PKP4: variants seen among roughly 807,000 people sequenced by gnomAD.
PKP4 encodes the protein plakophilin 4, also known as plakophilin-4.
Under a neutral mutation model 145.1 loss-of-function variants are expected in PKP4, and 90 were observed. That is an observed-to-expected ratio of 0.62 (90% CI 0.52 to 0.74). The LOEUF (loss-of-function observed/expected upper bound fraction) is 0.74, where lower values mean the gene tolerates loss of function less well. Ranked by LOEUF, PKP4 falls within the 30% of genes least tolerant of loss-of-function variation. The probability of loss-of-function intolerance (pLI) is 0.00; values close to 1 mark genes in which losing one functional copy is unlikely to be tolerated. For synonymous variants in PKP4, 563 were observed against 577.2 expected (o/e 0.98, Z 0.35); for missense variants, 1,340 against 1,482.7 (o/e 0.90, Z 1.58).
chr2:158,476,470 A>G (rs1312325247), intron 1 of PKP4, among the ~76,000 whole-genome samples: 1 of 152,100 alleles, frequency 6.6e-6, no homozygotes, highest in African/African-American at 2.4e-5. Flanking sequence ...AGCTGGGACT[A>G]CAGGCATACA....
chr2:158,467,546 T>A (rs1690819213), intron 1 of PKP4, among the ~76,000 whole-genome samples: 1 of 50,254 alleles, frequency 2.0e-5, no homozygotes, highest in Non-Finnish European at 4.1e-5. Context: ...AGTGAGACCT[T>A]GTCAAAAAAA....
chr2:158,633,106 A>G (rs2053522716), intron 8 of PKP4, among the ~76,000 whole-genome samples: 1 of 152,218 alleles, frequency 6.6e-6, no homozygotes, highest in Non-Finnish European at 1.5e-5. Flanking sequence ...TTCCAGTGTT[A>G]TTACAATCCA....
At chr2:158,515,385 T>C (rs1186615262) in intron 1 of PKP4, among the ~76,000 whole-genome samples, 1 of 152,108 alleles carries the variant, frequency 6.6e-6, no homozygotes, top group African/African-American at 2.4e-5. Flanking sequence ...CTTGAGAGTC[T>C]GAGGGCTCAA....
At chr2:158,537,225 C>T (rs1302590323) in intron 2 of PKP4, among the ~76,000 whole-genome samples, 2 of 152,170 alleles carry the variant, frequency 1.3e-5, no homozygotes, top group Non-Finnish European at 2.9e-5. Flanking sequence ...GCACTATATC[C>T]ATATTGATAA....
intron 1 of PKP4, among the ~76,000 whole-genome samples, chr2:158,500,237 C>G (rs184000134): frequency 1.1e-3 from 175 of 152,306 alleles, no homozygotes; most frequent in African/African-American, 4.1e-3. Context: ...ACCCACAGAA[C>G]AGTAGCAAAT....
At chr2:158,471,231 TAAAAG>T (rs113386457) in intron 1 of PKP4, among the ~76,000 whole-genome samples, 1 of 152,100 alleles carries the variant, frequency 6.6e-6, no homozygotes, top group Admixed American at 6.6e-5. Flanking sequence ...AGAATAGAAT[TAAAAG>T]AAATCAGGGA....
chr2:158,479,407 A>T (rs1574011713), intron 1 of PKP4, among the ~76,000 whole-genome samples: 1 of 152,060 alleles, frequency 6.6e-6, no homozygotes, highest in East Asian at 1.9e-4. Context: ...TATGTTTTGT[A>T]GAGACGGGGT....
At chr2:158,484,057 C>T (rs1192427645) in intron 1 of PKP4, among the ~76,000 whole-genome samples, 94 of 126,150 alleles carry the variant, frequency 7.5e-4, no homozygotes, top group African/African-American at 2.7e-3. Flanking sequence ...TTTTTTGAGA[C>T]GGAGTCTCGC....
At chr2:158,554,295 C>G (rs2045886104) in intron 2 of PKP4, among the ~76,000 whole-genome samples, 1 of 152,112 alleles carries the variant, frequency 6.6e-6, no homozygotes. Context: ...CCTAGACAGC[C>G]CATCCAGGCT....
intron 11 of PKP4, among the ~76,000 whole-genome samples, chr2:158,649,220 G>A (rs907316555): frequency 6.6e-6 from 1 of 152,004 alleles, no homozygotes; most frequent in African/African-American, 2.4e-5. Flanking sequence ...ATTAGAAACC[G>A]AAGTCCAGGA....
At chr2:158,493,882 C>T (rs555780672) in intron 1 of PKP4, among the ~76,000 whole-genome samples, 23 of 152,256 alleles carry the variant, frequency 1.5e-4, no homozygotes, top group African/African-American at 5.3e-4. Context: ...CCCTTGTGGA[C>T]CCCTTTTTTC....
intron 2 of PKP4, among the ~76,000 whole-genome samples, chr2:158,549,857 A>C (rs1447816792): frequency 6.6e-6 from 1 of 152,174 alleles, no homozygotes; most frequent in Non-Finnish European, 1.5e-5. Flanking sequence ...TTATTGCTTA[A>C]ATTCTGTGAA....
chr2:158,564,525 C>A (rs78240953), intron 2 of PKP4, among the ~76,000 whole-genome samples: 4,597 of 152,190 alleles, frequency 0.03, 174 homozygotes, highest in East Asian at 0.13. Context: ...GATGGCAGGG[C>A]ATGAGGAATA....
intron 2 of PKP4, among the ~76,000 whole-genome samples, chr2:158,561,889 T>C (rs905592804): frequency 6.6e-6 from 1 of 152,026 alleles, no homozygotes; most frequent in Admixed American, 6.5e-5. Flanking sequence ...GCTGCATCCA[T>C]CAACATTAGG....
chr2:158,583,895 G>A (rs1196470060), intron 3 of PKP4, among the ~76,000 whole-genome samples: 5 of 151,310 alleles, frequency 3.3e-5, no homozygotes, highest in Non-Finnish European at 5.9e-5. Context: ...CCTTTGTGTC[G>A]AGGGCAGACT....
intron 7 of PKP4, among the ~76,000 whole-genome samples, chr2:158,626,756 A>G (rs992100817): frequency 6.6e-6 from 1 of 152,156 alleles, no homozygotes; most frequent in African/African-American, 2.4e-5. Context: ...TTATTGAGTT[A>G]TGACTGAGGT....
chr2:158,599,593 C>T (rs2050057726), intron 3 of PKP4, among the ~76,000 whole-genome samples: 1 of 152,156 alleles, frequency 6.6e-6, no homozygotes, highest in African/African-American at 2.4e-5. Context: ...TTTCAGAGGG[C>T]TACTTTGTCT....
intron 17 of PKP4, among the ~76,000 whole-genome samples, chr2:158,672,672 C>G (rs2057666842): frequency 6.6e-6 from 1 of 152,094 alleles, no homozygotes. Flanking sequence ...TTCCATAGTC[C>G]AATTTGGAAA....
At chr2:158,510,699 C>T (rs1026935622) in intron 1 of PKP4, among the ~76,000 whole-genome samples, 2 of 152,138 alleles carry the variant, frequency 1.3e-5, no homozygotes, top group African/African-American at 4.8e-5. Flanking sequence ...GAGGGCTGGG[C>T]CAGATTGGGC....
Sources: gnomAD v4.1 joint callset for allele counts (sites outside exome capture counted in the v4.1 genomes callset) on GRCh38, gnomAD v4.1.1 for gene constraint, MANE v1.5 for transcripts, NCBI Gene and HGNC (gene_info 2026-07-23, HGNC 2026-07-21) for gene names.